Variants in CEP57 observed in about 807,000 individuals in gnomAD.
CEP57 encodes centrosomal protein of 57 kDa.
CEP57 carries 40 observed loss-of-function variants against 68.0 expected under a neutral mutation model. The ratio of observed to expected loss-of-function variants is 0.59; its 90% CI spans 0.46 to 0.77. CEP57 has a LOEUF of 0.77. Among genes scored for constraint, CEP57 ranks in the 30% least tolerant of loss-of-function variants. The probability of loss-of-function intolerance (pLI) is 0.00; values close to 1 mark genes in which losing one functional copy is unlikely to be tolerated. For missense variants in CEP57, 606 were observed against 580.7 expected (o/e 1.04, Z -0.45); for synonymous variants, 219 against 198.7 (o/e 1.10, Z -0.86).
At chr11:95,794,794 T>C (rs1057184540) in intron 1 of CEP57, among the ~76,000 whole-genome samples, 12 of 152,214 alleles carry the variant, frequency 7.9e-5, no homozygotes, top group Non-Finnish European at 1.8e-4. Context: ...TATATTTTTT[T>C]CCTACTTATT....
intron 2 of CEP57, among the ~76,000 whole-genome samples, chr11:95,802,361 T>G (rs1185247563): frequency 6.6e-6 from 1 of 151,666 alleles, no homozygotes; most frequent in Non-Finnish European, 1.5e-5. Flanking sequence ...TTCAAGCAAT[T>G]CTCCTGCCTC....
intron 1 of CEP57, among the ~76,000 whole-genome samples, chr11:95,799,028 GT>G (rs1861462593): frequency 6.6e-6 from 1 of 152,102 alleles, no homozygotes. Context: ...TTTTCTTCTT[GT>G]GTCTGGCATA....
chr11:95,814,818 AG>A (rs1472925263), intron 4 of CEP57, among the ~76,000 whole-genome samples: 4 of 152,206 alleles, frequency 2.6e-5, no homozygotes, highest in Non-Finnish European at 5.9e-5. Context: ...AAAAAATACT[AG>A]GCAGTTGTCC....
intron 8 of CEP57, among the ~76,000 whole-genome samples, chr11:95,823,998 T>C (rs776374383): frequency 7.3e-5 from 11 of 151,124 alleles, no homozygotes; most frequent in African/African-American, 1.5e-4. Context: ...TTGCTTGATA[T>C]GTACCATAGA....
chr11:95,829,369 A>AAT, intron 10 of CEP57, 38 bp downstream of exon 10: 2 of 1,571,528 alleles, frequency 1.3e-6, no homozygotes, highest in Non-Finnish European at 1.7e-6. Flanking sequence ...TCTAATGATT[A>AAT]AGAAAAAAAA....
chr11:95,796,065 C>T (rs571039648), intron 1 of CEP57, among the ~76,000 whole-genome samples: 2 of 152,310 alleles, frequency 1.3e-5, no homozygotes, highest in South Asian at 4.1e-4. Flanking sequence ...TCTATTACAT[C>T]CAATTTACCA....
intron 8 of CEP57, chr11:95,823,294 A>G (rs1248794621): frequency 6.6e-6 from 1 of 152,240 alleles, no homozygotes; most frequent in Non-Finnish European, 1.5e-5. Context: ...ATTAGTGGTG[A>G]CAAGCATTTG....
intron 7 of CEP57, 62 bp from the exon 8 acceptor site, chr11:95,822,437 T>C (rs1384414651): frequency 7.8e-7 from 1 of 1,284,650 alleles, no homozygotes; most frequent in Non-Finnish European, 1.1e-6. Flanking sequence ...GTTAGTCATG[T>C]ATAGTCAGTT....
At chr11:95,791,819 CAGT>C (rs973172719) in intron 1 of CEP57, among the ~76,000 whole-genome samples, 9 of 152,076 alleles carry the variant, frequency 5.9e-5, no homozygotes, top group Non-Finnish European at 1.3e-4. Flanking sequence ...TGTGCTAGAA[CAGT>C]AGGTGCTTTT....
chr11:95,814,122 G>A (rs889873947), intron 4 of CEP57, among the ~76,000 whole-genome samples: 6 of 151,916 alleles, frequency 3.9e-5, no homozygotes, highest in African/African-American at 4.8e-5. Flanking sequence ...GCATGATCTC[G>A]GTTCACTGCA....
chr11:95,822,708 G>A, intron 8 of CEP57, 132 bp downstream of exon 8: 1 of 433,270 alleles, frequency 2.3e-6, no homozygotes, highest in South Asian at 2.0e-5. Flanking sequence ...TCACAGTGAT[G>A]TGAAAATGAG....
intron 1 of CEP57, among the ~76,000 whole-genome samples, chr11:95,795,811 G>T (rs562319304): frequency 2.0e-5 from 3 of 152,190 alleles, no homozygotes; most frequent in East Asian, 3.9e-4. Context: ...TCCACCATTG[G>T]ACCTTGACTT....
intron 2 of CEP57, among the ~76,000 whole-genome samples, chr11:95,808,826 A>G (rs1056951885): frequency 1.1e-4 from 16 of 152,212 alleles, no homozygotes; most frequent in Admixed American, 8.5e-4. Context: ...ATATCCAGGA[A>G]TTGAACTTGG....
chr11:95,799,260 A>T lies in CEP57; in HGVS notation c.74A>T (p.Asn25Ile), dbSNP rs1265252414. 13 of 1,614,034 alleles carry T rather than the reference A, an allele frequency of 8.1e-6. No homozygotes were observed. In the South Asian group the frequency reaches 1.4e-4, roughly 18 times the overall value. The change falls in exon 2 of 11, where the codon AAT becomes ATT. Residue 25 changes from asparagine to isoleucine, a missense_variant. By Grantham distance (149) the Asn-to-Ile change is moderately radical (BLOSUM62 -3). Coordinates refer to ENST00000325542, the MANE Select transcript of CEP57 (RefSeq NM_014679.5). Reference sequence around the variant, plus strand: ...AGCTTTGCTGAGCCATCAAGGTCTAATGGAAGCATGGTTCGGCATTCTTCA... The same window carrying T: ...AGCTTTGCTGAGCCATCAAGGTCTATTGGAAGCATGGTTCGGCATTCTTCA... Reference protein sequence around the residue: ...SNSFAEPSRSNGSMVRHSSSP... With the variant: ...SNSFAEPSRSIGSMVRHSSSP...
chr11:95,799,334 C>A lies in CEP57; in HGVS notation c.148C>A (p.Leu50Ile), dbSNP rs781186734. The change falls in exon 2 of 11, where the codon CTA becomes ATA. Residue 50 changes from leucine (L) to isoleucine (I), a missense_variant. Coordinates refer to ENST00000325542, the MANE Select transcript of CEP57 (RefSeq NM_014679.5). ...GGATAAGCCTTTCCTTAATAGTGATCTACGACGCTCCCCAAGTAAGCCTAC... is the reference window on the plus strand; with the variant it reads ...GGATAAGCCTTTCCTTAATAGTGATATACGACGCTCCCCAAGTAAGCCTAC... The part of the protein sequence containing the change: ...PSDKPFLNSD[L>I]RRSPSKPTLA... 26 of 1,613,952 alleles carry A rather than the reference C, an allele frequency of 1.6e-5. No homozygotes were observed. Among genetic ancestry groups the A allele is most frequent in the South Asian group, 9.9e-5 (9 of 91,080 alleles).
chr11:95,796,015 T>C (rs1174855393), intron 1 of CEP57, among the ~76,000 whole-genome samples: 1 of 152,250 alleles, frequency 6.6e-6, no homozygotes, highest in African/African-American at 2.4e-5. Context: ...TTTGAAGCAG[T>C]GTTCTGTTGA....
intron 4 of CEP57, among the ~76,000 whole-genome samples, chr11:95,816,093 GA>G (rs1862284522): frequency 6.6e-6 from 1 of 152,148 alleles, no homozygotes; most frequent in African/African-American, 2.4e-5. Flanking sequence ...ATTTATGAAA[GA>G]AAGAGGTTTA....
At chr11:95,804,553 C>T (rs942452822) in intron 2 of CEP57, among the ~76,000 whole-genome samples, 5 of 152,146 alleles carry the variant, frequency 3.3e-5, no homozygotes, top group Non-Finnish European at 7.3e-5. Context: ...TGAGAGTTGT[C>T]AAAGCAGAAC....
At chr11:95,792,094 G>A (rs778708263) in intron 1 of CEP57, among the ~76,000 whole-genome samples, 5 of 152,168 alleles carry the variant, frequency 3.3e-5, no homozygotes, top group Non-Finnish European at 5.9e-5. Context: ...GTATTACAGT[G>A]TTTCAGCCGA....
Sources: allele counts gnomAD v4.1 joint callset (sites outside exome capture counted in the v4.1 genomes callset), GRCh38; gene constraint gnomAD v4.1.1; transcripts MANE v1.5; gene names NCBI Gene and HGNC (gene_info 2026-07-23, HGNC 2026-07-21).